Variants in NPIPB2 observed in about 807,000 individuals in gnomAD.
The protein encoded by NPIPB2 is nuclear pore complex interacting protein family member B2, also known as nuclear pore complex-interacting protein family member B2.
NPIPB2 carries 27 observed loss-of-function variants against 30.8 expected under a neutral mutation model. The ratio of observed to expected loss-of-function variants is 0.88; its 90% CI spans 0.65 to 1.21. The LOEUF is 1.21. NPIPB2 is among the 50% of genes most tolerant of loss of function. NPIPB2 has a pLI of 0.00. For missense variants in NPIPB2, 440 were observed against 446.2 expected (o/e 0.99, Z 0.13); for synonymous variants, 147 against 162.0 (o/e 0.91, Z 0.70).
intron 1 of NPIPB2, among the ~76,000 whole-genome samples, chr16:11,963,467 C>T (rs1596505875): frequency 1.3e-5 from 2 of 151,680 alleles, no homozygotes; most frequent in South Asian, 2.1e-4. Flanking sequence ...GTTTCCTTGG[C>T]ACACTCCTTG....
intron 1 of NPIPB2, among the ~76,000 whole-genome samples, chr16:11,953,554 G>A (rs2150929932): frequency 6.6e-6 from 1 of 152,106 alleles, no homozygotes; most frequent in Admixed American, 6.6e-5. Context: ...GTTTCCCCAT[G>A]TTAGCCAGGA....
At chr16:11,936,311 G>GAAAAGAAAAAA (rs1567466786) in intron 2 of NPIPB2, among the ~76,000 whole-genome samples, 1 of 150,680 alleles carries the variant, frequency 6.6e-6, no homozygotes, top group African/African-American at 2.4e-5. Flanking sequence ...TTGAGGGTGA[G>GAAAAGAAAAAA]AAAAGAAAAA....
At chr16:11,934,046 G>T (rs1377733658) in intron 2 of NPIPB2, 122 bp from the exon 3 acceptor site, 1 of 705,462 alleles carries the variant, frequency 1.4e-6, no homozygotes, top group East Asian at 2.7e-5. Flanking sequence ...GCCTGGCCAA[G>T]ATGGTGAAAC....
intron 1 of NPIPB2, chr16:11,967,183 G>T: frequency 5.1e-6 from 1 of 194,640 alleles, no homozygotes; most frequent in South Asian, 7.9e-5. Flanking sequence ...GTACTTTTTG[G>T]TAGAGACAGG....
chr16:11,950,879 G>T (rs901726258), intron 1 of NPIPB2, among the ~76,000 whole-genome samples: 2 of 152,000 alleles, frequency 1.3e-5, no homozygotes, highest in African/African-American at 4.8e-5. Flanking sequence ...TAACTGAGAA[G>T]GTGCTGAGAA....
chr16:11,958,517 T>A (rs914463827), intron 1 of NPIPB2, among the ~76,000 whole-genome samples: 1 of 150,624 alleles, frequency 6.6e-6, no homozygotes, highest in Non-Finnish European at 1.5e-5. Context: ...ATGGCTTGAG[T>A]CTAGGAGTTT....
chr16:11,972,127 G>A (rs1188748971), intron 1 of NPIPB2, among the ~76,000 whole-genome samples: 3 of 151,440 alleles, frequency 2.0e-5, no homozygotes, highest in African/African-American at 4.8e-5. Flanking sequence ...CAGCCCAGGC[G>A]ACAATGCGAG....
chr16:11,941,204 G>A, intron 1 of NPIPB2: 1 of 1,528,674 alleles, frequency 6.5e-7, no homozygotes, highest in South Asian at 1.2e-5. Context: ...TCCAGCAGGA[G>A]CCAAAAGAGG....
intron 1 of NPIPB2, among the ~76,000 whole-genome samples, chr16:11,969,623 C>A (rs148359881): frequency 6.6e-6 from 1 of 152,174 alleles, no homozygotes; most frequent in Non-Finnish European, 1.5e-5. Context: ...TAGAATCAAC[C>A]AGACGAATTC....
At chr16:11,954,809 G>C (rs2055096717) in intron 1 of NPIPB2, among the ~76,000 whole-genome samples, 1 of 151,568 alleles carries the variant, frequency 6.6e-6, no homozygotes, top group Admixed American at 6.6e-5. Flanking sequence ...TCGGGAGGCT[G>C]AGGCAGGAGA....
chr16:11,975,131 A>T (rs530752557), intron 1 of NPIPB2, among the ~76,000 whole-genome samples: 59 of 130,688 alleles, frequency 4.5e-4, no homozygotes, highest in Non-Finnish European at 8.7e-4. Context: ...GTTCACACTC[A>T]ATCCATCACC....
chr16:11,947,412 T>G (rs1361799456), intron 1 of NPIPB2, among the ~76,000 whole-genome samples: 3 of 150,956 alleles, frequency 2.0e-5, no homozygotes, highest in Admixed American at 1.3e-4. Flanking sequence ...TGGCGCGATC[T>G]CGGCTCACTG....
chr16:11,957,415 G>A (rs1478196602), intron 1 of NPIPB2, among the ~76,000 whole-genome samples: 3 of 151,686 alleles, frequency 2.0e-5, no homozygotes, highest in South Asian at 2.1e-4. Context: ...CACCTGCCTC[G>A]GCCTCCCAAA....
chr16:11,965,266 A>G (rs2055184371), intron 1 of NPIPB2: 3 of 1,606,332 alleles, frequency 1.9e-6, no homozygotes, highest in Non-Finnish European at 8.5e-7. Context: ...TCTTGTAGAG[A>G]TATTACTTGT....
intron 1 of NPIPB2, among the ~76,000 whole-genome samples, chr16:11,970,938 C>T (rs1307579745): frequency 6.6e-6 from 1 of 151,436 alleles, no homozygotes; most frequent in Non-Finnish European, 1.5e-5. Context: ...ACTGCAGCCT[C>T]GACCTCTGGG....
At chr16:11,943,429 C>T (rs1471148110), upstream of NPIPB2, among the ~76,000 whole-genome samples, 1 of 145,352 alleles carries the variant, frequency 6.9e-6, no homozygotes, top group African/African-American at 2.6e-5. Context: ...TTTGGCTGGG[C>T]ATGGTGGCTC....
intron 1 of NPIPB2, among the ~76,000 whole-genome samples, chr16:11,949,618 C>G (rs1200106305): frequency 1.3e-5 from 2 of 152,208 alleles, no homozygotes; most frequent in African/African-American, 2.4e-5. Flanking sequence ...TTGCTTTGGG[C>G]TTACTTTTGA....
Position 11,966,493 on chromosome 16 carries a change from G to A in NPIPB2, c.-584+10075C>T, listed in dbSNP as rs942887062. 6.4e-6 allele frequency: 5 copies of A among 785,722 alleles called. No individual in the cohort carries two copies. The East Asian group carries it at 1.4e-4, about 22-fold the overall frequency. The allele number at this position is 785,722 out of a possible 1,614,324, so 48.7% of individuals were successfully genotyped here. A position where few individuals can be genotyped will look rare whatever the true frequency, so the allele number is the denominator to read the frequency against. Reference sequence around the variant, plus strand: ...TGTTACATTAAATGAACTTGGTAGAGGTGAGCCATCTTCATTCTGATTTTG... The same window carrying A: ...TGTTACATTAAATGAACTTGGTAGAAGTGAGCCATCTTCATTCTGATTTTG... On this transcript the variant is annotated intron_variant, in intron 1 of 5. Transcript: ENST00000538896.
chr16:11,971,556 G>A (rs868296560), intron 1 of NPIPB2, among the ~76,000 whole-genome samples: 1 of 151,714 alleles, frequency 6.6e-6, no homozygotes, highest in African/African-American at 2.4e-5. Context: ...GTGCAGTGGC[G>A]CAACCTTGGC....
Sources: allele counts gnomAD v4.1 joint callset (sites outside exome capture counted in the v4.1 genomes callset), GRCh38; gene constraint gnomAD v4.1.1; transcripts MANE v1.5; gene names NCBI Gene and HGNC (gene_info 2026-07-23, HGNC 2026-07-21).